Variants in SMARCA4 observed in about 807,000 individuals in gnomAD.
SMARCA4 encodes SWI/SNF-related matrix-associated actin-dependent regulator of chromatin subfamily A member 4.
Under a neutral mutation model 193.9 loss-of-function variants are expected in SMARCA4, and 31 were observed. That is an observed-to-expected ratio of 0.16 (90% CI 0.12 to 0.22). The LOEUF is 0.22. Among genes scored for constraint, SMARCA4 ranks in the 10% least tolerant of loss-of-function variants. The pLI, the probability that SMARCA4 is intolerant of heterozygous loss-of-function variation, is 1.00. For missense variants in SMARCA4, 1,148 were observed against 2,296.0 expected, an observed-to-expected ratio of 0.50 and a Z score of 10.22; for synonymous variants, 942 against 933.1, an observed-to-expected ratio of 1.01 and a Z score of -0.17.
At chr19:10,979,012 C>G (rs1007753413) in intron 1 of SMARCA4, among the ~76,000 whole-genome samples, 2 of 151,934 alleles carry the variant, frequency 1.3e-5, no homozygotes, top group African/African-American at 4.8e-5. Flanking sequence ...GAAAGGTGCT[C>G]CGTGCCATTA....
intron 1 of SMARCA4, among the ~76,000 whole-genome samples, chr19:10,981,920 C>G (rs1235777366): frequency 6.6e-6 from 1 of 151,968 alleles, no homozygotes; most frequent in African/African-American, 2.4e-5. Context: ...CCCCCGAGGT[C>G]AAGGCTGCAG....
At chr19:11,044,631 G>A (rs957865316) in intron 30 of SMARCA4, among the ~76,000 whole-genome samples, 1 of 152,224 alleles carries the variant, frequency 6.6e-6, no homozygotes, top group African/African-American at 2.4e-5. Flanking sequence ...ATGCCCATCA[G>A]TGCTGGCAAG....
At chr19:11,008,923 G>C (rs1289884778) in intron 14 of SMARCA4, among the ~76,000 whole-genome samples, 1 of 144,888 alleles carries the variant, frequency 6.9e-6, no homozygotes, top group Non-Finnish European at 1.5e-5. Context: ...GCAGTGAGCT[G>C]AGATAGCGCC....
rs11537672 is a variant in SMARCA4 at position 10,986,246 on chromosome 19, G to A, written c.413G>A (p.Gly138Asp). ...EHASSPVPAS[G>D]PSSGPQMSSG... ...GCCTCTAGTCCAGTTCCAGCCAGTG[G>A]CCCGTCTTCGGGGCCCCAGATGTCT... is the stretch of plus-strand genomic sequence containing the variant. The change falls in exon 4 of 35, where the codon GGC becomes GAC. Residue 138 changes from glycine to aspartate, a missense_variant. Physicochemically the swap from Gly to Asp is moderately conservative, Grantham distance 94 (BLOSUM62 -1). Around this residue, in one of 17 missense-constraint regions of SMARCA4, gnomAD observed 201 missense variants for 248.3 expected, o/e 0.81. Coordinates refer to ENST00000344626, the MANE Select transcript of SMARCA4 (RefSeq NM_003072.5). The surrounding 1 kb of genome is among the most constrained non-coding windows in gnomAD (Gnocchi z 6.7). The A allele has an allele frequency of 1.2e-6, 2 of 1,613,944 alleles. No homozygotes were observed. Among genetic ancestry groups the A allele is most frequent in the Non-Finnish European group, 1.7e-6 (2 of 1,179,996 alleles).
At chr19:11,060,390 C>A in intron 34 of SMARCA4, 1 of 662,150 alleles carries the variant, frequency 1.5e-6, no homozygotes, top group Non-Finnish European at 2.6e-6. Flanking sequence ...TGTGTGACCC[C>A]GGAACCAGCT....
intron 11 of SMARCA4, among the ~76,000 whole-genome samples, chr19:10,998,063 G>GT (rs1000471873): frequency 1.3e-5 from 2 of 151,654 alleles, no homozygotes; most frequent in East Asian, 2.0e-4. Flanking sequence ...GTGTGTGTTT[G>GT]TTTTTTTGCA....
intron 13 of SMARCA4, 37 bp from the exon 14 acceptor site, chr19:11,007,865 G>A (rs2146188008): frequency 6.2e-7 from 1 of 1,612,028 alleles, no homozygotes; most frequent in Non-Finnish European, 8.5e-7. Context: ...CCTCTCTGGG[G>A]GATGAACTGA....
chr19:11,042,058 C>G (rs2075649487), intron 30 of SMARCA4, among the ~76,000 whole-genome samples: 1 of 152,082 alleles, frequency 6.6e-6, no homozygotes, highest in Non-Finnish European at 1.5e-5. Flanking sequence ...TTGCACCCTC[C>G]CAGGCTACCT....
chr19:11,010,913 G>A, intron 15 of SMARCA4: 1 of 346,842 alleles, frequency 2.9e-6, no homozygotes, highest in South Asian at 2.3e-5. Context: ...CTGGGCATCT[G>A]CATGCTCAGG....
At chr19:10,995,023 G>A (rs767621546) in intron 9 of SMARCA4, 22 bp downstream of exon 9, 58 of 1,592,072 alleles carry the variant, frequency 3.6e-5, no homozygotes, top group Non-Finnish European at 4.6e-5. Flanking sequence ...CCTTCTTGAC[G>A]TGCGCTCTTC....
intron 24 of SMARCA4, among the ~76,000 whole-genome samples, chr19:11,028,182 A>G (rs1283869339): frequency 6.6e-6 from 1 of 152,228 alleles, no homozygotes; most frequent in Non-Finnish European, 1.5e-5. Context: ...TTCCACGACA[A>G]TGCTGGGCGC....
At chr19:11,022,835 C>T (rs964840529) in intron 19 of SMARCA4, among the ~76,000 whole-genome samples, 3 of 152,140 alleles carry the variant, frequency 2.0e-5, no homozygotes, top group Non-Finnish European at 2.9e-5. Flanking sequence ...TTTAGACTCC[C>T]GGGACCCCCA....
At chr19:10,992,317 A>G (rs1568435750) in intron 8 of SMARCA4, among the ~76,000 whole-genome samples, 1 of 150,038 alleles carries the variant, frequency 6.7e-6, no homozygotes, top group Non-Finnish European at 1.5e-5. Context: ...GGGTTTCACC[A>G]TGTTGGTCAG....
At chr19:10,977,812 G>A (rs1269591388) in intron 1 of SMARCA4, 1 of 152,376 alleles carries the variant, frequency 6.6e-6, no homozygotes, top group Non-Finnish European at 1.5e-5. Flanking sequence ...GGCACTTCCT[G>A]CCTGTGAGTG....
chr19:11,058,183 A>G lies in SMARCA4; in HGVS notation c.4425-72A>G, dbSNP rs1161929166. On this transcript the variant is annotated intron_variant, in intron 30 of 34. Transcript: ENST00000344626. The surrounding 1 kb of genome is among the most constrained non-coding windows in gnomAD (Gnocchi z 5.8). ...TTTCTCATCCTTAAACAATGTGGGA[A>G]CCTGCTGAGGTGGGGTGGGGGCTCC... The G allele has an allele frequency of 3.4e-6, 3 of 885,966 alleles. No individual in the cohort carries two copies. The highest frequency in any genetic ancestry group is 4.9e-5 in the East Asian group (2 of 40,984). 54.9% of individuals were successfully genotyped at this position (885,966 alleles called of 1,614,324 possible). A position where few individuals can be genotyped will look rare whatever the true frequency, so the allele number is the denominator to read the frequency against.
At chr19:11,008,467 C>T (rs1353897672) in intron 14 of SMARCA4, 1 of 318,132 alleles carries the variant, frequency 3.1e-6, no homozygotes, top group Non-Finnish European at 6.2e-6. Flanking sequence ...AACCTTCCCT[C>T]TTGGAGGTCA....
chr19:10,986,820 C>A lies in SMARCA4; in HGVS notation c.761-85C>A. The A allele has an allele frequency of 1.5e-6, 2 of 1,328,614 alleles. No homozygotes were observed. The highest frequency in any genetic ancestry group is 1.2e-5 in the South Asian group (1 of 85,130). 82.3% of individuals were successfully genotyped at this position (1,328,614 alleles called of 1,614,324 possible). On this transcript the variant is annotated intron_variant, in intron 4 of 34. Transcript: ENST00000344626. The surrounding 1 kb of genome is among the most constrained non-coding windows in gnomAD (Gnocchi z 6.7). ...GTTAATAGGTGTATCTGCTGTGTCCCCTGGAGCCAGGGCTGCCCACGGGGC... is the reference window on the plus strand; with the variant it reads ...GTTAATAGGTGTATCTGCTGTGTCCACTGGAGCCAGGGCTGCCCACGGGGC...
At chr19:11,053,536 T>A (rs1425854730) in intron 30 of SMARCA4, among the ~76,000 whole-genome samples, 2 of 152,116 alleles carry the variant, frequency 1.3e-5, no homozygotes, top group African/African-American at 2.4e-5. Flanking sequence ...CCCACCGATT[T>A]CTGCGTTGTC....
intron 33 of SMARCA4, 63 bp from the exon 34 acceptor site, chr19:11,059,982 C>T (rs769471945): frequency 1.4e-5 from 22 of 1,611,142 alleles, no homozygotes; most frequent in Non-Finnish European, 1.8e-5. Context: ...CCAGACGCCC[C>T]TTGCTGTGGG....
Sources: gnomAD v4.1 joint callset for allele counts (sites outside exome capture counted in the v4.1 genomes callset) on GRCh38, gnomAD v4.1.1 for gene constraint, gnomAD v4.1.1 regional missense constraint, Gnocchi (gnomAD v3.1) non-coding constraint, MANE v1.5 for transcripts, NCBI Gene and HGNC (gene_info 2026-07-23, HGNC 2026-07-21) for gene names.